Variants in PTPRM observed in about 807,000 individuals in gnomAD.
PTPRM encodes the protein receptor-type tyrosine-protein phosphatase mu.
PTPRM carries 47 observed loss-of-function variants against 186.7 expected under a neutral mutation model. The ratio of observed to expected loss-of-function variants is 0.25; its 90% CI spans 0.20 to 0.32. PTPRM has a LOEUF of 0.32. PTPRM is among the 10% of genes least tolerant of loss of function. PTPRM has a pLI of 1.00. For missense variants in PTPRM, 1,494 were observed against 1,865.0 expected (o/e 0.80, Z 3.66); for synonymous variants, 668 against 674.9 (o/e 0.99, Z 0.16).
chr18:7,637,013 C>G (rs1470567473), intron 1 of PTPRM, among the ~76,000 whole-genome samples: 1 of 151,674 alleles, frequency 6.6e-6, no homozygotes, highest in Non-Finnish European at 1.5e-5. Flanking sequence ...ACTAAAAATG[C>G]AAAAATTAAC....
intron 19 of PTPRM, among the ~76,000 whole-genome samples, chr18:8,289,118 C>T (rs932022094): frequency 2.0e-5 from 3 of 152,088 alleles, no homozygotes; most frequent in Admixed American, 1.3e-4. Flanking sequence ...TGGGTCCCAG[C>T]TCTTCTGTTT....
At chr18:8,154,299 T>C (rs2093073894) in intron 14 of PTPRM, among the ~76,000 whole-genome samples, 1 of 152,204 alleles carries the variant, frequency 6.6e-6, no homozygotes. Context: ...GCTGTGAAAC[T>C]TTGCACTCAT....
intron 14 of PTPRM, among the ~76,000 whole-genome samples, chr18:8,177,394 A>G (rs2093501451): frequency 6.6e-6 from 1 of 152,252 alleles, no homozygotes. Context: ...CCTCAGAACC[A>G]GAAGAGGTTC....
At chr18:8,280,516 AAGGCATC>A (rs2094891386) in intron 19 of PTPRM, among the ~76,000 whole-genome samples, 1 of 152,152 alleles carries the variant, frequency 6.6e-6, no homozygotes. Context: ...TGGGCTGGGC[AAGGCATC>A]AGCCTCATTG....
intron 32 of PTPRM, 102 bp downstream of exon 32, chr18:8,394,713 C>T: frequency 8.0e-7 from 1 of 1,244,940 alleles, no homozygotes; most frequent in Non-Finnish European, 1.1e-6. Context: ...GAGGAAGAGA[C>T]TCATTTTCAA....
intron 32 of PTPRM, among the ~76,000 whole-genome samples, chr18:8,398,047 A>T (rs983181976): frequency 6.6e-6 from 1 of 152,130 alleles, no homozygotes; most frequent in African/African-American, 2.4e-5. Flanking sequence ...ATCATAGCTC[A>T]CTGCAGCCTC....
At chr18:7,575,313 T>C (rs976419915) in intron 1 of PTPRM, among the ~76,000 whole-genome samples, 1 of 152,104 alleles carries the variant, frequency 6.6e-6, no homozygotes, top group African/African-American at 2.4e-5. Flanking sequence ...TGTAGCTGCG[T>C]CCCTTAACCC....
intron 5 of PTPRM, among the ~76,000 whole-genome samples, chr18:7,945,747 T>A (rs2052479801): frequency 6.6e-6 from 1 of 152,200 alleles, no homozygotes; most frequent in South Asian, 2.1e-4. Context: ...TAAATGATGG[T>A]TCTTTTAATT....
At chr18:8,116,113 T>C (rs1477125125) in intron 13 of PTPRM, among the ~76,000 whole-genome samples, 3 of 152,372 alleles carry the variant, frequency 2.0e-5, no homozygotes, top group African/African-American at 7.2e-5. Context: ...TGCTATCAGC[T>C]ATTAATTATT....
intron 14 of PTPRM, among the ~76,000 whole-genome samples, chr18:8,188,580 A>G (rs75158085): frequency 0.013 from 1,977 of 152,352 alleles, 36 homozygotes; most frequent in African/African-American, 0.045. Flanking sequence ...CTGGAAAGAC[A>G]GTGACCAAGT....
intron 14 of PTPRM, among the ~76,000 whole-genome samples, chr18:8,169,957 G>A (rs887928047): frequency 2.6e-5 from 4 of 152,108 alleles, no homozygotes; most frequent in Non-Finnish European, 4.4e-5. Flanking sequence ...ATAAGGCAAA[G>A]AATTTAAAGA....
intron 1 of PTPRM, among the ~76,000 whole-genome samples, chr18:7,617,940 A>G (rs1598540190): frequency 6.6e-6 from 1 of 152,278 alleles, no homozygotes; most frequent in Middle Eastern, 3.4e-3. Context: ...CTCTGAGGAA[A>G]AGGATTGCTA....
chr18:7,691,802 G>T (rs978251921), intron 1 of PTPRM, among the ~76,000 whole-genome samples: 5 of 152,188 alleles, frequency 3.3e-5, no homozygotes, highest in African/African-American at 1.2e-4. Flanking sequence ...GGTCATGGTG[G>T]CACATGCTCG....
At chr18:8,055,100 C>T (rs2087825849) in intron 7 of PTPRM, among the ~76,000 whole-genome samples, 1 of 152,040 alleles carries the variant, frequency 6.6e-6, no homozygotes. Context: ...TACATTATGT[C>T]TAAATGTGGA....
intron 2 of PTPRM, among the ~76,000 whole-genome samples, chr18:7,807,977 C>T (rs1017813549): frequency 1.3e-5 from 2 of 151,968 alleles, no homozygotes; most frequent in African/African-American, 4.8e-5. Context: ...TTTCTCACTC[C>T]AGAGATAAAG....
chr18:8,312,264 A>G (rs1257016684), intron 20 of PTPRM, among the ~76,000 whole-genome samples: 1 of 151,970 alleles, frequency 6.6e-6, no homozygotes. Flanking sequence ...CAAAAGCCAT[A>G]ACAATCTACA....
chr18:8,161,324 G>A (rs1227140010), intron 14 of PTPRM, among the ~76,000 whole-genome samples: 1 of 152,076 alleles, frequency 6.6e-6, no homozygotes, highest in Admixed American at 6.6e-5. Flanking sequence ...TAATTTGTCA[G>A]GCTAAGGTTG....
At chr18:7,637,307 C>T (rs187633814) in intron 1 of PTPRM, among the ~76,000 whole-genome samples, 19 of 151,848 alleles carry the variant, frequency 1.3e-4, no homozygotes, top group Admixed American at 1.2e-3. Flanking sequence ...TTTGTTTGGT[C>T]AGGCTTTTCT....
chr18:8,103,597 A>T (rs933382763), intron 11 of PTPRM, among the ~76,000 whole-genome samples: 9 of 152,212 alleles, frequency 5.9e-5, no homozygotes, highest in Admixed American at 2.6e-4. Context: ...TTAAGGGAAT[A>T]TCATGGCTGG....
Sources: allele counts gnomAD v4.1 joint callset (sites outside exome capture counted in the v4.1 genomes callset), GRCh38; gene constraint gnomAD v4.1.1; transcripts MANE v1.5; gene names NCBI Gene and HGNC (gene_info 2026-07-23, HGNC 2026-07-21).